The following IL16 variants were observed in gnomAD, a reference collection of about 807,000 sequenced individuals.
The protein encoded by IL16 is pro-interleukin-16.
A neutral mutation model predicts 110.1 loss-of-function variants in IL16; 67 were observed. The ratio of observed to expected loss-of-function variants is 0.61; its 90% CI spans 0.50 to 0.75. IL16 has a LOEUF of 0.75. Among genes scored for constraint, IL16 ranks in the 30% least tolerant of loss-of-function variants. The pLI is 0.00. For synonymous variants in IL16, 689 were observed against 662.9 expected, an observed-to-expected ratio of 1.04 and a Z score of -0.61; for missense variants, 1,545 against 1,655.0, an observed-to-expected ratio of 0.93 and a Z score of 1.15.
chr15:81,303,563 C>T lies in IL16; in HGVS notation c.3333C>T (p.Ile1111=). 1 of 1,612,318 alleles carries T rather than the reference C, an allele frequency of 6.2e-7. No homozygotes were observed. Among genetic ancestry groups the T allele is most frequent in the African/African-American group, 1.3e-5 (1 of 75,036 alleles). ...DEATLKQLDG[I]HVTILHKEEG... ...TTCCTCTGCAGCAATTAGACGGCAT[C>T]CATGTCACCATCTTACACAAGGAGG... Residue 1111 remains isoleucine, a synonymous_variant, in exon 16 of 19, where the codon ATC becomes ATT. Transcript: ENST00000683961. This position sits in a 1 kb window ranked among gnomAD's most constrained non-coding sequence, Gnocchi z 4.1.
chr15:81,276,320 A>G (rs1246647970), intron 6 of IL16, among the ~76,000 whole-genome samples: 1 of 152,250 alleles, frequency 6.6e-6, no homozygotes, highest in African/African-American at 2.4e-5. Context: ...AGACGTGGAA[A>G]TGCCCAGCTG....
At chr15:81,277,051 T>C (rs545487480) in intron 6 of IL16, among the ~76,000 whole-genome samples, 282 of 148,868 alleles carry the variant, frequency 1.9e-3, no homozygotes, top group African/African-American at 6.7e-3. Flanking sequence ...TAAGTGGAAG[T>C]GAAAAAAATA....
In IL16 at chr15:81,238,832, T is replaced by TTG. The variant is rs544446360; in HGVS notation, c.312+13122_312+13123insGT. On this transcript the variant is annotated intron_variant, in intron 2 of 18. Transcript: ENST00000683961. ...GCTAGCAATGAATTCTTTTAGTTTTTTTTTTTTTTTACCTGAGAATATCTT... is the reference window on the plus strand; with the variant it reads ...GCTAGCAATGAATTCTTTTAGTTTTTTGTTTTTTTTTTACCTGAGAATATCTT... Among the ~76,000 whole-genome samples, 1,235 of 151,720 alleles carry TTG rather than the reference T, an allele frequency of 8.1e-3. 11 individuals carry two copies. Among genetic ancestry groups the TTG allele is most frequent in the African/African-American group, 0.029 (1,190 of 41,402 alleles).
intron 18 of IL16, chr15:81,306,928 A>T (rs1448982280): frequency 6.4e-6 from 2 of 312,962 alleles, no homozygotes; most frequent in South Asian, 2.8e-5. Flanking sequence ...AATTAATTTT[A>T]AAAAAACATG....
chr15:81,308,763 CA>C lies in IL16; in HGVS notation c.3965del (p.Gln1322ArgfsTer25). The stretch of plus-strand genomic sequence containing the variant: ...GATTGTCATCAGGAGAAAAAGCCTC[CA>C]GTCCAAGGAAACCACAGCTGCTGGA... ...VTIVIRRKSL[Q>X]SKETTAAGDS On this transcript the variant is annotated frameshift_variant, in exon 19 of 19. Transcript: ENST00000683961. LOFTEE classifies it high-confidence loss of function. 1 of 1,613,856 alleles carries C rather than the reference CA, an allele frequency of 6.2e-7. No individual in the cohort carries two copies. Among genetic ancestry groups the C allele is most frequent in the Non-Finnish European group, 8.5e-7 (1 of 1,179,944 alleles).
chr15:81,306,288 T>G (rs888422188), intron 17 of IL16, 122 bp downstream of exon 17: 5 of 1,518,604 alleles, frequency 3.3e-6, no homozygotes, highest in Non-Finnish European at 1.8e-6. Flanking sequence ...CCTAGTACAC[T>G]GCCTGAGACG....
intron 1 of IL16, among the ~76,000 whole-genome samples, chr15:81,207,957 A>G (rs1003114944): frequency 6.6e-6 from 1 of 151,814 alleles, no homozygotes; most frequent in African/African-American, 2.4e-5. Context: ...CTCTGAACTG[A>G]TTTCCATAGT....
chr15:81,204,623 G>A (rs1271998475), intron 1 of IL16, among the ~76,000 whole-genome samples: 2 of 152,080 alleles, frequency 1.3e-5, no homozygotes, highest in East Asian at 1.9e-4. Context: ...GCTGGATTAC[G>A]TTTATTGAAT....
chr15:81,279,648 C>A lies in IL16; in HGVS notation c.955C>A (p.Arg319Ser), dbSNP rs765461860. The A allele has an allele frequency of 1.2e-6, 2 of 1,614,234 alleles. No individual in the cohort carries two copies. Among genetic ancestry groups the A allele is most frequent in the South Asian group, 2.2e-5 (2 of 91,088 alleles). ...LCSHLSPPLCRSLSSSTCITK... is the reference protein window; with the variant it reads ...LCSHLSPPLCSSLSSSTCITK... ...CAGCCACCTGTCTCCCCCACTGTGC[C>A]GCTCCCTGAGCTCCAGCACTTGTAT... The change falls in exon 8 of 19, where the codon CGC (arginine) becomes AGC (serine). Residue 319 changes from arginine to serine, a missense_variant. Physicochemically the swap from Arg to Ser is moderately radical, Grantham distance 110. Transcript: ENST00000683961.
intron 1 of IL16, among the ~76,000 whole-genome samples, chr15:81,224,168 G>A (rs1433019217): frequency 6.6e-6 from 1 of 152,190 alleles, no homozygotes; most frequent in Non-Finnish European, 1.5e-5. Context: ...TCTATTTTTA[G>A]GCAGAAATTC....
At chr15:81,283,139 C>G (rs1467514231) in intron 9 of IL16, among the ~76,000 whole-genome samples, 1 of 152,200 alleles carries the variant, frequency 6.6e-6, no homozygotes, top group Non-Finnish European at 1.5e-5. Context: ...CTGCCAGGAC[C>G]AGACCGAGGT....
rs750503949 is a variant in IL16, at chr15:81,309,928, T to A, written c.*1130T>A. 6.6e-6 allele frequency: 1 copy of A among 152,252 alleles called. No homozygotes were observed. The highest frequency in any genetic ancestry group is 1.5e-5 in the Non-Finnish European group (1 of 68,070). 9.4% of individuals were successfully genotyped at this position (152,252 alleles called of 1,614,324 possible). A position where few individuals can be genotyped will look rare whatever the true frequency, so the allele number is the denominator to read the frequency against. On this transcript the variant is annotated 3_prime_UTR_variant, in exon 19 of 19. Coordinates refer to ENST00000683961, the MANE Select transcript of IL16 (RefSeq NM_172217.5). Reference sequence around the variant, plus strand: ...TCCAGCTGGTGAGTGATGCGGCAGATTGAGTTTTCTTCTGTGATTCGGTGG... The same window carrying A: ...TCCAGCTGGTGAGTGATGCGGCAGAATGAGTTTTCTTCTGTGATTCGGTGG...
At chr15:81,221,940 C>G (rs1245296878) in intron 1 of IL16, among the ~76,000 whole-genome samples, 1 of 152,238 alleles carries the variant, frequency 6.6e-6, no homozygotes, top group Non-Finnish European at 1.5e-5. Flanking sequence ...TTTGATCCCT[C>G]TGTTCTCTTA....
At chr15:81,280,643 A>G (rs1899131699) in intron 8 of IL16, among the ~76,000 whole-genome samples, 1 of 152,188 alleles carries the variant, frequency 6.6e-6, no homozygotes, top group African/African-American at 2.4e-5. Flanking sequence ...GATGGGCTTG[A>G]GATATATTGT....
chr15:81,227,238 A>T (rs1896818802), intron 2 of IL16, among the ~76,000 whole-genome samples: 1 of 152,162 alleles, frequency 6.6e-6, no homozygotes, highest in African/African-American at 2.4e-5. Flanking sequence ...TGATTTGGGG[A>T]TATAGATAAT....
At chr15:81,197,645 T>G (rs1242082528) in intron 1 of IL16, among the ~76,000 whole-genome samples, 2 of 152,162 alleles carry the variant, frequency 1.3e-5, no homozygotes, top group African/African-American at 4.8e-5. Flanking sequence ...TCACTCTGCT[T>G]GCTTTTTGAT....
chr15:81,253,316 G>A (rs1247660727), intron 2 of IL16, among the ~76,000 whole-genome samples: 1 of 152,042 alleles, frequency 6.6e-6, no homozygotes, highest in Non-Finnish European at 1.5e-5. Flanking sequence ...TAAAAATTAG[G>A]TTATTTGTCT....
intron 1 of IL16, among the ~76,000 whole-genome samples, chr15:81,212,297 A>G (rs966578939): frequency 2.0e-5 from 3 of 152,166 alleles, no homozygotes; most frequent in African/African-American, 7.2e-5. Flanking sequence ...AGATTTGTTC[A>G]CAGTATTCTC....
In IL16 at chr15:81,263,344, C is replaced by G. The variant is rs1898232509; in HGVS notation, c.422-2315C>G. Among the ~76,000 whole-genome samples, 6 of 132,976 alleles carry G rather than the reference C, an allele frequency of 4.5e-5. No homozygotes were observed. In the South Asian group the frequency reaches 1.5e-3, roughly 33 times the overall value. The allele number at this position is 132,976 out of a possible 152,430, so 87.2% of individuals were successfully genotyped here. A position where few individuals can be genotyped will look rare whatever the true frequency, so the allele number is the denominator to read the frequency against. ...CAATATATAGCTCCCCTTTCAAAAA[C>G]TATTTTTTTTTGTTTTTTTTTTTTT... On this transcript the variant is annotated intron_variant, in intron 3 of 18. Transcript: ENST00000683961.
Sources: allele counts gnomAD v4.1 joint callset (sites outside exome capture counted in the v4.1 genomes callset), GRCh38; gene constraint gnomAD v4.1.1; non-coding constraint Gnocchi (gnomAD v3.1); transcripts MANE v1.5; gene names NCBI Gene and HGNC (gene_info 2026-07-23, HGNC 2026-07-21).